The following DDX10 variants were observed in gnomAD, a reference collection of about 807,000 sequenced individuals.
The protein encoded by DDX10 is DEAD-box helicase 10.
In DDX10, 74 loss-of-function variants were observed where a neutral mutation model predicts 104.3. That is an observed-to-expected ratio of 0.71 (90% CI 0.59 to 0.86). DDX10 has a LOEUF of 0.86. Among genes scored for constraint, DDX10 ranks in the 40% least tolerant of loss-of-function variants. The pLI, the probability that DDX10 is intolerant of heterozygous loss-of-function variation, is 0.00. For synonymous variants in DDX10, 351 were observed against 353.4 expected (o/e 0.99, Z 0.08); for missense variants, 952 against 1,040.0 (o/e 0.92, Z 1.16).
chr11:108,844,010 G>C (rs1285811024), intron 15 of DDX10, among the ~76,000 whole-genome samples: 1 of 152,140 alleles, frequency 6.6e-6, no homozygotes, highest in Admixed American at 6.6e-5. Flanking sequence ...TTAGAACACA[G>C]CATGTGATTT....
rs114698554 is a variant in DDX10, at chr11:108,831,991, G to A, written c.1966-6455G>A. On this transcript the variant is annotated intron_variant, in intron 13 of 17. Coordinates refer to ENST00000322536, the MANE Select transcript of DDX10 (RefSeq NM_004398.4). ...CTAGCATACGTGTTGTAGAAGAGGT[G>A]CAAATAGAAATGAAAGTCATATTTT... 3.2e-3 allele frequency among the ~76,000 whole-genome samples: 481 copies of A among 152,172 alleles called. 2 individuals carry two copies. The highest frequency in any genetic ancestry group is 0.011 in the African/African-American group (459 of 41,516).
intron 16 of DDX10, among the ~76,000 whole-genome samples, chr11:108,913,759 T>G (rs1863710543): frequency 6.6e-6 from 1 of 152,214 alleles, no homozygotes; most frequent in South Asian, 2.1e-4. Context: ...TCTTACCGTA[T>G]GTGGCTAGAA....
intron 16 of DDX10, among the ~76,000 whole-genome samples, chr11:108,864,114 TG>T (rs1862975601): frequency 6.6e-6 from 1 of 152,204 alleles, no homozygotes; most frequent in South Asian, 2.1e-4. Context: ...GTTAGGGCTT[TG>T]TGAACTATGA....
At chr11:108,847,377 G>A (rs1862733833) in intron 15 of DDX10, among the ~76,000 whole-genome samples, 1 of 152,120 alleles carries the variant, frequency 6.6e-6, no homozygotes, top group Non-Finnish European at 1.5e-5. Flanking sequence ...GATAATATTT[G>A]CTATCACAGC....
In DDX10 at chr11:108,778,439, G is replaced by T. The variant is rs571970337; in HGVS notation, c.1965+54977G>T. Among the ~76,000 whole-genome samples the T allele has an allele frequency of 4.6e-5, 7 of 152,276 alleles. No individual in the cohort carries two copies. The East Asian group carries it at 1.2e-3, about 25-fold the overall frequency. On this transcript the variant is annotated intron_variant, in intron 13 of 17. Transcript: ENST00000322536. ...GACAAACCTGACAAAAACAAGCAAT[G>T]GGGAAAGGATTCTCTATTTAATAAA...
At chr11:108,895,034 GA>G (rs1246385758) in intron 16 of DDX10, among the ~76,000 whole-genome samples, 2 of 151,950 alleles carry the variant, frequency 1.3e-5, no homozygotes, top group Non-Finnish European at 2.9e-5. Flanking sequence ...AAAATAAAAA[GA>G]TGGAATTTTA....
chr11:108,938,342 T>C (rs1864062057), intron 17 of DDX10, among the ~76,000 whole-genome samples: 1 of 152,156 alleles, frequency 6.6e-6, no homozygotes, highest in South Asian at 2.1e-4. Context: ...TTCTACCTTT[T>C]ATTATCCAAA....
intron 11 of DDX10, among the ~76,000 whole-genome samples, chr11:108,718,104 A>G (rs1381824): frequency 0.12 from 18,668 of 152,062 alleles, 1,559 homozygotes; most frequent in East Asian, 0.27. Flanking sequence ...AGCAGAGGTT[A>G]TAGTGAGCCA....
At chr11:108,848,281 G>A (rs1862746046) in intron 15 of DDX10, among the ~76,000 whole-genome samples, 1 of 152,060 alleles carries the variant, frequency 6.6e-6, no homozygotes, top group Admixed American at 6.6e-5. Flanking sequence ...CCATAGCTAT[G>A]GCCATTTAAG....
At position 108,706,723 on chromosome 11, in the gene DDX10, G is replaced by A. The variant is rs556604621; in HGVS notation, c.1224-16G>A. 11 of 1,600,368 alleles carry A rather than the reference G, an allele frequency of 6.9e-6. 1 individual carries two copies. The South Asian group carries it at 7.7e-5, about 11-fold the overall frequency. ...ATTGCATTGATGTGTTAAAGATTTT[G>A]TTTCTTTTTGTTTAGGTACAAAGAG... On this transcript the variant is annotated splice_polypyrimidine_tract_variant and intron_variant, in intron 9 of 17. Coordinates refer to ENST00000322536, the MANE Select transcript of DDX10 (RefSeq NM_004398.4).
chr11:108,784,796 G>T (rs900360022), intron 13 of DDX10, among the ~76,000 whole-genome samples: 9 of 152,100 alleles, frequency 5.9e-5, no homozygotes, highest in African/African-American at 1.2e-4. Context: ...TATTTTCTAG[G>T]TTATCTTCTA....
chr11:108,750,579 A>C (rs1010572024), intron 13 of DDX10, among the ~76,000 whole-genome samples: 2 of 151,996 alleles, frequency 1.3e-5, no homozygotes, highest in African/African-American at 4.8e-5. Context: ...TCTTAGAGTA[A>C]TGTTTCTAAT....
intron 16 of DDX10, among the ~76,000 whole-genome samples, chr11:108,884,571 A>C: frequency 6.6e-6 from 1 of 152,222 alleles, no homozygotes; most frequent in Middle Eastern, 3.4e-3. Flanking sequence ...GTAACTCAGA[A>C]GTCACAGCAC....
chr11:108,771,145 GTCT>G (rs1390767755), intron 13 of DDX10, among the ~76,000 whole-genome samples: 1 of 152,076 alleles, frequency 6.6e-6, no homozygotes, highest in Admixed American at 6.6e-5. Context: ...CCATTTGAAT[GTCT>G]TCTTTTGAGA....
At chr11:108,711,324 A>G (rs1230675106) in intron 10 of DDX10, among the ~76,000 whole-genome samples, 1 of 152,042 alleles carries the variant, frequency 6.6e-6, no homozygotes, top group Non-Finnish European at 1.5e-5. Flanking sequence ...TTTTCCAGTT[A>G]CCTTTCTGCT....
chr11:108,780,185 A>G (rs76663395), intron 13 of DDX10, among the ~76,000 whole-genome samples: 326 of 152,274 alleles, frequency 2.1e-3, no homozygotes, highest in South Asian at 3.7e-3. Context: ...TAAAATGCCA[A>G]TTTATGGTTG....
rs544343159 is a variant in DDX10 at position 108,714,519 on chromosome 11, A to T, written c.1323-1360A>T. The stretch of plus-strand genomic sequence containing the variant: ...CATCCATAGGGAACTGGATATCAGA[A>T]GTCTGACTCTTTTTTTTTTTTTTTT... On this transcript the variant is annotated intron_variant, in intron 10 of 17. Transcript: ENST00000322536. Among the ~76,000 whole-genome samples the T allele has an allele frequency of 4.6e-3, 616 of 134,244 alleles. 5 individuals are homozygous for T. The highest frequency in any genetic ancestry group is 0.016 in the African/African-American group (579 of 35,974). 88.1% of individuals were successfully genotyped at this position (134,244 alleles called of 152,430 possible). A position where few individuals can be genotyped will look rare whatever the true frequency, so the allele number is the denominator to read the frequency against.
intron 13 of DDX10, among the ~76,000 whole-genome samples, chr11:108,824,479 A>G (rs941179423): frequency 1.3e-5 from 2 of 151,764 alleles, no homozygotes; most frequent in Non-Finnish European, 2.9e-5. Context: ...TTTTTTTGCT[A>G]TGTAGCATAT....
chr11:108,874,346 A>C (rs1008128287), intron 16 of DDX10, among the ~76,000 whole-genome samples: 1 of 152,194 alleles, frequency 6.6e-6, no homozygotes, highest in Non-Finnish European at 1.5e-5. Context: ...TGCCATTCTC[A>C]TTGAAGCAAG....
Sources: allele counts gnomAD v4.1 joint callset (sites outside exome capture counted in the v4.1 genomes callset), GRCh38; gene constraint gnomAD v4.1.1; transcripts MANE v1.5; gene names NCBI Gene and HGNC (gene_info 2026-07-23, HGNC 2026-07-21).